The following RUNX3 variants were observed in gnomAD, a reference collection of about 807,000 sequenced individuals.
RUNX3 encodes the protein runt-related transcription factor 3.
A neutral mutation model predicts 27.7 loss-of-function variants in RUNX3; 10 were observed. That is an observed-to-expected ratio of 0.36 (90% CI 0.22 to 0.61). RUNX3 has a LOEUF of 0.61. RUNX3 is among the 20% of genes least tolerant of loss of function. The probability of loss-of-function intolerance (pLI) is 0.72; values close to 1 mark genes in which losing one functional copy is unlikely to be tolerated. For synonymous variants in RUNX3, 270 were observed against 269.2 expected (o/e 1.00, Z -0.03); for missense variants, 469 against 629.5 (o/e 0.75, Z 2.73).
chr1:24,928,578 A>C (rs1203441521), intron 1 of RUNX3, among the ~76,000 whole-genome samples: 2 of 152,260 alleles, frequency 1.3e-5, no homozygotes, highest in Non-Finnish European at 2.9e-5. Context: ...CTGATTAAGA[A>C]GACCAGATTT....
chr1:24,919,463 T>C (rs749634874), intron 2 of RUNX3, 119 bp from the exon 3 acceptor site: 1 of 625,822 alleles, frequency 1.6e-6, no homozygotes, highest in South Asian at 1.9e-5. Flanking sequence ...CACTCTGTCC[T>C]CTTTGAACAT....
intron 2 of RUNX3, among the ~76,000 whole-genome samples, chr1:24,946,250 A>G (rs1234440025): frequency 6.6e-6 from 1 of 152,222 alleles, no homozygotes; most frequent in East Asian, 1.9e-4. Context: ...ATTGGAAAAT[A>G]ATAAAATTAT....
At chr1:24,942,597 G>A (rs1641504777) in intron 2 of RUNX3, among the ~76,000 whole-genome samples, 1 of 152,120 alleles carries the variant, frequency 6.6e-6, no homozygotes, top group African/African-American at 2.4e-5. Flanking sequence ...GGGCTGGTAG[G>A]AGGGCCCACT....
chr1:24,947,783 C>T (rs1041734230), intron 2 of RUNX3, among the ~76,000 whole-genome samples: 2 of 152,340 alleles, frequency 1.3e-5, no homozygotes, highest in South Asian at 2.1e-4. Context: ...TGGAGCTCCC[C>T]GCAGATCACA....
intron 2 of RUNX3, among the ~76,000 whole-genome samples, chr1:24,941,922 G>A (rs1641488397): frequency 6.6e-6 from 1 of 152,204 alleles, no homozygotes; most frequent in East Asian, 1.9e-4. Flanking sequence ...ATTTGCTGTT[G>A]GCATAAGTTT....
At chr1:24,961,775 A>G (rs1642118845) in intron 2 of RUNX3, 1 of 152,200 alleles carries the variant, frequency 6.6e-6, no homozygotes, top group Admixed American at 6.5e-5. Context: ...AGGGGCGGTG[A>G]TTTCAGAAAA....
chr1:24,951,740 C>T (rs1191211482), intron 2 of RUNX3, among the ~76,000 whole-genome samples: 2 of 152,222 alleles, frequency 1.3e-5, no homozygotes, highest in African/African-American at 2.4e-5. Flanking sequence ...GCGAGCCACG[C>T]AGGCTCTGGA....
At chr1:24,956,989 TC>T (rs769798865) in intron 2 of RUNX3, among the ~76,000 whole-genome samples, 10 of 151,368 alleles carry the variant, frequency 6.6e-5, no homozygotes, top group African/African-American at 2.2e-4. Context: ...TTACAAAAGC[TC>T]CCCCCCACAG....
intron 2 of RUNX3, among the ~76,000 whole-genome samples, chr1:24,953,566 G>A (rs893188618): frequency 3.3e-5 from 5 of 152,184 alleles, no homozygotes; most frequent in Non-Finnish European, 4.4e-5. Flanking sequence ...GGATTCACGT[G>A]CCCCTGGTGG....
At chr1:24,914,576 A>G (rs1640853215) in intron 3 of RUNX3, among the ~76,000 whole-genome samples, 1 of 152,136 alleles carries the variant, frequency 6.6e-6, no homozygotes, top group South Asian at 2.1e-4. Flanking sequence ...GTTCCCTCCC[A>G]GGGCTGCAAG....
At position 24,908,033 on chromosome 1, in the gene RUNX3, CCA is replaced by C. The variant is rs201577376; in HGVS notation, c.545-618_545-617del. Among the ~76,000 whole-genome samples, 512 of 151,056 alleles carry C rather than the reference CCA, an allele frequency of 3.4e-3. 2 individuals are homozygous for C. Among genetic ancestry groups the C allele is most frequent in the African/African-American group, 0.012 (484 of 40,708 alleles). On this transcript the variant is annotated intron_variant, in intron 3 of 4. Transcript: ENST00000308873. ...CAACACGCGGTGATCCGAACCTCAA[CCA>C]CACGCGGTGATCCGAACCTCTACGA... is the stretch of plus-strand genomic sequence containing the variant.
chr1:24,919,537 G>T (rs925589148), intron 2 of RUNX3, 193 bp from the exon 3 acceptor site: 26 of 491,822 alleles, frequency 5.3e-5, no homozygotes, highest in Non-Finnish European at 9.4e-5. Flanking sequence ...GGCCCCTGGG[G>T]GTCTGACGCC....
chr1:24,921,240 C>T (rs1640994625), intron 2 of RUNX3, among the ~76,000 whole-genome samples: 1 of 152,186 alleles, frequency 6.6e-6, no homozygotes, highest in Non-Finnish European at 1.5e-5. Context: ...TTTGCATGGC[C>T]GGGTACTTGT....
chr1:24,946,259 A>G (rs780199860), intron 2 of RUNX3, among the ~76,000 whole-genome samples: 9 of 152,250 alleles, frequency 5.9e-5, no homozygotes, highest in Non-Finnish European at 1.0e-4. Flanking sequence ...TAATAAAATT[A>G]TGAAGAAGAA....
At chr1:24,937,822 T>C (rs1260401049) in intron 2 of RUNX3, among the ~76,000 whole-genome samples, 3 of 152,086 alleles carry the variant, frequency 2.0e-5, no homozygotes, top group African/African-American at 7.2e-5. Context: ...GAGTCTCAGT[T>C]TTATAGTTGT....
At chr1:24,914,623 C>T (rs999371590) in intron 3 of RUNX3, among the ~76,000 whole-genome samples, 2 of 152,138 alleles carry the variant, frequency 1.3e-5, no homozygotes, top group African/African-American at 2.4e-5. Flanking sequence ...TTAGGAGAAC[C>T]CAGGAGGTCT....
At chr1:24,908,230 C>T (rs1431995690) in intron 3 of RUNX3, among the ~76,000 whole-genome samples, 1 of 150,258 alleles carries the variant, frequency 6.7e-6, no homozygotes, top group Non-Finnish European at 1.5e-5. Context: ...ATCTGAACCT[C>T]TATGACACGC....
At chr1:24,941,187 G>A (rs1375836108) in intron 2 of RUNX3, among the ~76,000 whole-genome samples, 2 of 152,146 alleles carry the variant, frequency 1.3e-5, no homozygotes, top group African/African-American at 4.8e-5. Context: ...ACCTAGGTAA[G>A]CACTTCTAGG....
chr1:24,937,025 G>A (rs186636548), intron 2 of RUNX3, among the ~76,000 whole-genome samples: 17 of 152,340 alleles, frequency 1.1e-4, no homozygotes, highest in African/African-American at 3.4e-4. Flanking sequence ...ATGGGCATAC[G>A]GAGGTGGGCA....
Sources: allele counts gnomAD v4.1 joint callset (sites outside exome capture counted in the v4.1 genomes callset), GRCh38; gene constraint gnomAD v4.1.1; transcripts MANE v1.5; gene names NCBI Gene and HGNC (gene_info 2026-07-23, HGNC 2026-07-21).